The following FGF14 variants were observed in gnomAD, a reference collection of about 807,000 sequenced individuals.
The protein encoded by FGF14 is fibroblast growth factor 14.
In FGF14, 5 loss-of-function variants were observed where a neutral mutation model predicts 25.5. That is an observed-to-expected ratio of 0.20 (90% CI 0.10 to 0.41). The LOEUF (loss-of-function observed/expected upper bound fraction) is 0.41, where lower values mean the gene tolerates loss of function less well. Among genes scored for constraint, FGF14 ranks in the 10% least tolerant of loss-of-function variants. The probability of loss-of-function intolerance (pLI) is 1.00; values close to 1 mark genes in which losing one functional copy is unlikely to be tolerated. For synonymous variants in FGF14, 138 were observed against 118.3 expected (o/e 1.17, Z -1.08); for missense variants, 222 against 320.1 (o/e 0.69, Z 2.34).
At chr13:102,133,844 G>A (rs557633094) in intron 1 of FGF14, among the ~76,000 whole-genome samples, 3 of 152,268 alleles carry the variant, frequency 2.0e-5, no homozygotes, top group East Asian at 3.9e-4. Flanking sequence ...AGCACCAAAA[G>A]TCTGGTCAGT....
At chr13:101,733,855 GTTAC>G (rs1382383489) in intron 3 of FGF14, among the ~76,000 whole-genome samples, 4 of 151,242 alleles carry the variant, frequency 2.6e-5, no homozygotes, top group African/African-American at 9.7e-5. Flanking sequence ...AATATTATAT[GTTAC>G]TTTGATTCAT....
chr13:102,253,036 A>T (rs1055129912), intron 1 of FGF14, among the ~76,000 whole-genome samples: 4 of 152,190 alleles, frequency 2.6e-5, no homozygotes, highest in Admixed American at 2.6e-4. Context: ...TCCATGGTGT[A>T]TATGTGCCAC....
At chr13:102,298,002 C>G (rs1236294895) in intron 1 of FGF14, among the ~76,000 whole-genome samples, 2 of 152,060 alleles carry the variant, frequency 1.3e-5, no homozygotes, top group African/African-American at 4.8e-5. Context: ...TGTTTATACA[C>G]ATTGTACTGT....
intron 1 of FGF14, among the ~76,000 whole-genome samples, chr13:102,146,602 G>T (rs185837779): frequency 4.6e-5 from 7 of 152,188 alleles, no homozygotes; most frequent in Non-Finnish European, 2.9e-5. Context: ...ATGAGATAAA[G>T]AAATTTACAC....
chr13:102,043,864 G>A (rs1171943163), intron 1 of FGF14, among the ~76,000 whole-genome samples: 2 of 152,134 alleles, frequency 1.3e-5, no homozygotes, highest in African/African-American at 4.8e-5. Context: ...GACTATCAGT[G>A]CGGCTACCAC....
chr13:102,274,521 AG>A (rs1456097369), intron 1 of FGF14, among the ~76,000 whole-genome samples: 1 of 152,218 alleles, frequency 6.6e-6, no homozygotes, highest in Admixed American at 6.5e-5. Context: ...TGCTGTGTCC[AG>A]CAAAATGCAG....
intron 1 of FGF14, among the ~76,000 whole-genome samples, chr13:101,990,235 T>C (rs1044206475): frequency 6.6e-6 from 1 of 152,112 alleles, no homozygotes; most frequent in Non-Finnish European, 1.5e-5. Flanking sequence ...GTTCATCAGT[T>C]ACTGACCACT....
At chr13:101,924,507 T>C (rs555909004) in intron 1 of FGF14, among the ~76,000 whole-genome samples, 86 of 152,314 alleles carry the variant, frequency 5.6e-4, no homozygotes, top group African/African-American at 1.8e-3. Flanking sequence ...TTTTCATTAC[T>C]ACCTTCACAG....
intron 1 of FGF14, among the ~76,000 whole-genome samples, chr13:102,166,031 T>C (rs972443853): frequency 1.3e-5 from 2 of 151,730 alleles, no homozygotes. Flanking sequence ...ATCGTCCATC[T>C]CCAGAATGTT....
intron 1 of FGF14, among the ~76,000 whole-genome samples, chr13:101,980,614 G>T (rs1223305734): frequency 6.6e-6 from 1 of 152,126 alleles, no homozygotes; most frequent in Non-Finnish European, 1.5e-5. Flanking sequence ...TCTCTTATGG[G>T]TTCCGCAATA....
chr13:102,288,525 A>G (rs1001431945), intron 1 of FGF14, among the ~76,000 whole-genome samples: 1 of 152,022 alleles, frequency 6.6e-6, no homozygotes, highest in Non-Finnish European at 1.5e-5. Context: ...TACATTTCCT[A>G]TATTTTTATA....
In FGF14 at chr13:101,969,055, A is replaced by G. The variant is rs190967310; in HGVS notation, c.209-93759T>C. On this transcript the variant is annotated intron_variant, in intron 1 of 4. Transcript: ENST00000376131. ...AACTCACTAGTTGAAAGAAACAAGG[A>G]TGGTCAGTGGAAGGGGAGGTAAGGA... Among the ~76,000 whole-genome samples the G allele has an allele frequency of 4.8e-3, 736 of 152,196 alleles. 3 individuals are homozygous for G. Among genetic ancestry groups the G allele is most frequent in the African/African-American group, 0.016 (672 of 41,528 alleles).
chr13:101,959,052 C>T (rs2036679670), intron 1 of FGF14, among the ~76,000 whole-genome samples: 4 of 152,178 alleles, frequency 2.6e-5, no homozygotes, highest in Admixed American at 2.6e-4. Context: ...CTTCAATCTT[C>T]TAATGCAGCA....
intron 1 of FGF14, among the ~76,000 whole-genome samples, chr13:101,952,876 C>CA (rs909345649): frequency 2.3e-4 from 35 of 151,842 alleles, no homozygotes; most frequent in African/African-American, 6.8e-4. Context: ...ACTAAAAATA[C>CA]AAAAAAAATT....
intron 1 of FGF14, chr13:101,967,758 CT>C (rs1388621025): frequency 6.5e-6 from 1 of 154,286 alleles, no homozygotes. Context: ...GAGAGCATAT[CT>C]TTGCTCTTGA....
intron 1 of FGF14, among the ~76,000 whole-genome samples, chr13:102,192,710 C>G (rs887247979): frequency 2.0e-5 from 3 of 152,118 alleles, no homozygotes; most frequent in Non-Finnish European, 4.4e-5. Flanking sequence ...TTTCACAAAA[C>G]ACTAGAACAT....
chr13:102,081,989 A>T (rs900003674), intron 1 of FGF14, among the ~76,000 whole-genome samples: 2 of 152,182 alleles, frequency 1.3e-5, no homozygotes. Flanking sequence ...ATTAGCTATA[A>T]TTATTTAAGC....
At chr13:102,235,901 G>A (rs2141009927) in intron 1 of FGF14, among the ~76,000 whole-genome samples, 1 of 152,300 alleles carries the variant, frequency 6.6e-6, no homozygotes, top group African/African-American at 2.4e-5. Context: ...AATAGACCCA[G>A]GACTTGTAAC....
intron 1 of FGF14, among the ~76,000 whole-genome samples, chr13:102,258,814 C>G (rs17589594): frequency 0.047 from 7,189 of 152,154 alleles, 237 homozygotes; most frequent in Middle Eastern, 0.1. Flanking sequence ...GTCAGGATCT[C>G]TTAAGTAGGT....
Sources: gnomAD v4.1 joint callset for allele counts (sites outside exome capture counted in the v4.1 genomes callset) on GRCh38, gnomAD v4.1.1 for gene constraint, MANE v1.5 for transcripts, NCBI Gene and HGNC (gene_info 2026-07-23, HGNC 2026-07-21) for gene names.